TM9SF4: variants seen among roughly 807,000 people sequenced by gnomAD.
The protein encoded by TM9SF4 is transmembrane 9 superfamily member 4, also known as dinucleotide oxidase disulfide thiol exchanger 3 superfamily member 4.
A neutral mutation model predicts 90.4 loss-of-function variants in TM9SF4; 26 were observed. The ratio of observed to expected loss-of-function variants is 0.29; its 90% CI spans 0.21 to 0.40. TM9SF4 has a LOEUF of 0.40. Among genes scored for constraint, TM9SF4 ranks in the 10% least tolerant of loss-of-function variants. The pLI, the probability that TM9SF4 is intolerant of heterozygous loss-of-function variation, is 1.00. For missense variants in TM9SF4, 549 were observed against 834.8 expected, an observed-to-expected ratio of 0.66 and a Z score of 4.22; for synonymous variants, 293 against 315.4, an observed-to-expected ratio of 0.93 and a Z score of 0.75.
intron 1 of TM9SF4, among the ~76,000 whole-genome samples, chr20:32,130,966 G>T (rs960184651): frequency 2.0e-5 from 3 of 152,106 alleles, no homozygotes; most frequent in African/African-American, 7.2e-5. Flanking sequence ...TGTAGTGTCT[G>T]TGTAACTCTT....
intron 1 of TM9SF4, among the ~76,000 whole-genome samples, chr20:32,118,496 A>G (rs1021512755): frequency 6.5e-5 from 8 of 122,966 alleles, no homozygotes; most frequent in African/African-American, 2.3e-4. Context: ...TGGTGGAATC[A>G]TAGCTCACTC....
At chr20:32,154,634 G>A (rs1185004846) in intron 12 of TM9SF4, among the ~76,000 whole-genome samples, 1 of 151,946 alleles carries the variant, frequency 6.6e-6, no homozygotes, top group African/African-American at 2.4e-5. Flanking sequence ...TGTATTTTTA[G>A]TAGAGACGGA....
At chr20:32,139,663 G>A (rs2046642985) in intron 3 of TM9SF4, among the ~76,000 whole-genome samples, 1 of 152,232 alleles carries the variant, frequency 6.6e-6, no homozygotes, top group Non-Finnish European at 1.5e-5. Context: ...CTCTACCCCT[G>A]TTAGAAACCT....
intron 3 of TM9SF4, among the ~76,000 whole-genome samples, chr20:32,139,804 G>T (rs1298518892): frequency 1.3e-5 from 2 of 152,192 alleles, no homozygotes; most frequent in Non-Finnish European, 2.9e-5. Flanking sequence ...AGGCCTTTCA[G>T]GTTCAGTGCC....
In TM9SF4 at chr20:32,166,967, TCA is replaced by T. The variant is rs1032268203; in HGVS notation, c.*1526_*1527del. 2.0e-5 allele frequency: 3 copies of T among 152,060 alleles called. No individual in the cohort carries two copies. Among genetic ancestry groups the T allele is most frequent in the Non-Finnish European group, 4.4e-5 (3 of 68,046 alleles). The allele number at this position is 152,060 out of a possible 1,614,324, so 9.4% of individuals were successfully genotyped here. On this transcript the variant is annotated 3_prime_UTR_variant, in exon 18 of 18. Coordinates refer to ENST00000398022, the MANE Select transcript of TM9SF4 (RefSeq NM_014742.4). ...AACCAGTGAATTTCTCAATCTTGCCTCACAGTGACTGCAGCGCCAAGCGGCAT... is the reference window on the plus strand; with the variant it reads ...AACCAGTGAATTTCTCAATCTTGCCTCAGTGACTGCAGCGCCAAGCGGCAT...
In TM9SF4 at chr20:32,109,772, C is replaced by G. The variant is rs1047547725; in HGVS notation, c.15+17C>G. On this transcript the variant is annotated intron_variant, in intron 1 of 17. Coordinates refer to ENST00000398022, the MANE Select transcript of TM9SF4 (RefSeq NM_014742.4). ...ACGGCGATGGTGAGTGAAGGAGACT[C>G]CGGGAGCGGGAGCTGGAGCGGGGCC... 1.3e-6 allele frequency: 2 copies of G among 1,551,584 alleles called. No individual in the cohort carries two copies. Among genetic ancestry groups the G allele is most frequent in the East Asian group, 4.9e-5 (2 of 40,914 alleles).
Position 32,149,708 on chromosome 20 carries a change from C to G in TM9SF4, c.1029C>G (p.Ile343Met). Residue 343 changes from isoleucine to methionine, a missense_variant, in exon 10 of 18, where the codon ATC (isoleucine) becomes ATG (methionine). Ile to Met is a conservative substitution (Grantham distance 10). Transcript: ENST00000398022. ...DVFRPPQYPMILSSLLGSGIQ... is the reference protein window; with the variant it reads ...DVFRPPQYPMMLSSLLGSGIQ... The stretch of plus-strand genomic sequence containing the variant: ...TCAGGCCCCCCCAGTACCCCATGAT[C>G]CTCAGCTCCCTGCTGGGCTCAGGCA... 1 of 1,614,222 alleles carries G rather than the reference C, an allele frequency of 6.2e-7. No homozygotes were observed. The highest frequency in any genetic ancestry group is 8.5e-7 in the Non-Finnish European group (1 of 1,180,044).
chr20:32,122,369 C>A (rs189126339), intron 1 of TM9SF4, among the ~76,000 whole-genome samples: 1 of 149,892 alleles, frequency 6.7e-6, no homozygotes, highest in South Asian at 2.1e-4. Context: ...ACTTCCCAGA[C>A]GGGGTGGCTG....
intron 1 of TM9SF4, among the ~76,000 whole-genome samples, chr20:32,119,781 A>G (rs922758989): frequency 5.9e-5 from 9 of 151,960 alleles, no homozygotes; most frequent in Admixed American, 3.3e-4. Context: ...TTTTTTCCGT[A>G]TAGAGGTTTT....
At position 32,167,226 on chromosome 20, in the gene TM9SF4, C is replaced by T. The variant is rs749081535; in HGVS notation, c.*1782C>T. On this transcript the variant is annotated 3_prime_UTR_variant, in exon 18 of 18. Coordinates refer to ENST00000398022, the MANE Select transcript of TM9SF4 (RefSeq NM_014742.4). ...AAATGCCTGTATGCCTTTTTTTGGT[C>T]GGATTGTAAATAAATATACCATTGT... 1.3e-5 allele frequency: 2 copies of T among 151,864 alleles called. No homozygotes were observed. The highest frequency in any genetic ancestry group is 1.5e-5 in the Non-Finnish European group (1 of 67,922). 9.4% of individuals were successfully genotyped at this position (151,864 alleles called of 1,614,324 possible).
intron 13 of TM9SF4, among the ~76,000 whole-genome samples, chr20:32,156,582 T>A (rs1157583727): frequency 1.3e-5 from 2 of 152,248 alleles, no homozygotes; most frequent in African/African-American, 2.4e-5. Flanking sequence ...TATACTATAT[T>A]GTTTTTTAAT....
Position 32,165,327 on chromosome 20 carries a change from C to A in TM9SF4, c.1812C>A (p.Leu604=). ...LDIVEFIPSL[L]YFGYTALMVL... is the part of the protein sequence containing the mutation. ...TCGTGGAGTTCATCCCCTCTCTCCT[C>A]TACTTTGGCTACACGGCCCTCATGG... The change falls in exon 18 of 18, where the codon CTC becomes CTA. Residue 604 remains leucine, a synonymous_variant. Coordinates refer to ENST00000398022, the MANE Select transcript of TM9SF4 (RefSeq NM_014742.4). 1 of 1,614,210 alleles carries A rather than the reference C, an allele frequency of 6.2e-7. No homozygotes were observed. The highest frequency in any genetic ancestry group is 8.5e-7 in the Non-Finnish European group (1 of 1,180,042).
intron 1 of TM9SF4, among the ~76,000 whole-genome samples, chr20:32,130,514 T>C (rs1441231960): frequency 6.6e-6 from 1 of 152,128 alleles, no homozygotes; most frequent in African/African-American, 2.4e-5. Context: ...CACATGAGGG[T>C]TGGCAAAAGC....
intron 1 of TM9SF4, among the ~76,000 whole-genome samples, chr20:32,125,564 T>G (rs1361368728): frequency 6.6e-6 from 1 of 152,180 alleles, no homozygotes; most frequent in Non-Finnish European, 1.5e-5. Context: ...TAAGCCCTCC[T>G]GGTAATTTCC....
intron 2 of TM9SF4, among the ~76,000 whole-genome samples, chr20:32,134,293 A>C (rs1346502775): frequency 2.0e-5 from 3 of 152,184 alleles, no homozygotes; most frequent in Non-Finnish European, 4.4e-5. Context: ...AGGCAACGTA[A>C]AGGTGGGACG....
chr20:32,148,487 G>A (rs2046794893), intron 9 of TM9SF4, among the ~76,000 whole-genome samples: 1 of 152,076 alleles, frequency 6.6e-6, no homozygotes, highest in Non-Finnish European at 1.5e-5. Context: ...GGAGGCCAAA[G>A]CAGGAGGATC....
chr20:32,122,154 G>A (rs1301132547), intron 1 of TM9SF4, among the ~76,000 whole-genome samples: 1 of 143,740 alleles, frequency 7.0e-6, no homozygotes, highest in Non-Finnish European at 1.5e-5. Context: ...CCGGGCGGGG[G>A]GGGTGACCCC....
intron 1 of TM9SF4, among the ~76,000 whole-genome samples, chr20:32,123,577 C>T (rs1394098651): frequency 1.3e-5 from 2 of 151,016 alleles, no homozygotes; most frequent in African/African-American, 4.9e-5. Context: ...AGTTCTTGGT[C>T]AAGTATGTTA....
intron 1 of TM9SF4, among the ~76,000 whole-genome samples, chr20:32,114,658 C>T (rs2046194772): frequency 1.3e-5 from 2 of 152,152 alleles, no homozygotes; most frequent in Admixed American, 6.5e-5. Flanking sequence ...GGTGAAATAG[C>T]GTGCTAATCA....
Sources: gnomAD v4.1 joint callset for allele counts (sites outside exome capture counted in the v4.1 genomes callset) on GRCh38, gnomAD v4.1.1 for gene constraint, MANE v1.5 for transcripts, NCBI Gene and HGNC (gene_info 2026-07-23, HGNC 2026-07-21) for gene names.